Variants in GFOD1 observed in about 807,000 individuals in gnomAD.
The protein encoded by GFOD1 is Gfo/Idh/MocA-like oxidoreductase domain containing 1, also known as glucose-fructose oxidoreductase domain-containing protein 1.
GFOD1 carries 9 observed loss-of-function variants against 25.4 expected under a neutral mutation model. That is an observed-to-expected ratio of 0.35 (90% CI 0.21 to 0.62). The LOEUF (loss-of-function observed/expected upper bound fraction) is 0.62. GFOD1 is among the 20% of genes least tolerant of loss of function. GFOD1 has a pLI of 0.72. For synonymous variants in GFOD1, 253 were observed against 245.6 expected, an observed-to-expected ratio of 1.03 and a Z score of -0.28; for missense variants, 403 against 556.9, an observed-to-expected ratio of 0.72 and a Z score of 2.78.
chr6:13,365,781 A>G lies in GFOD1; in HGVS notation c.254-119T>C, dbSNP rs1785033157. On this transcript the variant is annotated intron_variant, in intron 1 of 1. Transcript: ENST00000379287. The surrounding 1 kb of genome is among the most constrained non-coding windows in gnomAD (Gnocchi z 9.2). ...AAAAGAAGGTCAGATGTGGTGGCTC[A>G]TGCCTGTTGTCCCAGCACTTTGGGA... 1.1e-5 allele frequency: 9 copies of G among 821,638 alleles called. No individual in the cohort carries two copies. 50.9% of individuals were successfully genotyped at this position (821,638 alleles called of 1,614,324 possible).
intron 1 of GFOD1, among the ~76,000 whole-genome samples, chr6:13,432,971 A>T (rs1757777124): frequency 6.6e-6 from 1 of 152,234 alleles, no homozygotes; most frequent in Admixed American, 6.5e-5. Flanking sequence ...CTCATAGAAC[A>T]TCACTGGTCA....
chr6:13,468,198 CGT>C (rs1258797060), intron 1 of GFOD1, among the ~76,000 whole-genome samples: 1 of 151,852 alleles, frequency 6.6e-6, no homozygotes, highest in African/African-American at 2.4e-5. Context: ...GGTGTGTGTG[CGT>C]GTGTGTGATT....
intron 1 of GFOD1, among the ~76,000 whole-genome samples, chr6:13,457,011 C>T (rs1320864249): frequency 1.3e-5 from 2 of 152,276 alleles, no homozygotes; most frequent in South Asian, 2.1e-4. Flanking sequence ...CAGTGGCCCA[C>T]CTGGGAAAAT....
intron 1 of GFOD1, among the ~76,000 whole-genome samples, chr6:13,424,739 T>C (rs1786322581): frequency 6.6e-6 from 1 of 152,196 alleles, no homozygotes; most frequent in Non-Finnish European, 1.5e-5. Flanking sequence ...TCAAAAAGTC[T>C]TCCTTTTATA....
chr6:13,383,555 CAG>C (rs1475498882), intron 1 of GFOD1, among the ~76,000 whole-genome samples: 9 of 152,294 alleles, frequency 5.9e-5, no homozygotes, highest in Non-Finnish European at 1.3e-4. Flanking sequence ...CTGTGGGTGG[CAG>C]AGTTCTATCT....
At chr6:13,425,767 T>A (rs1786340016) in intron 1 of GFOD1, among the ~76,000 whole-genome samples, 1 of 151,878 alleles carries the variant, frequency 6.6e-6, no homozygotes, top group Non-Finnish European at 1.5e-5. Context: ...GAAAAGGGTC[T>A]AGGCCAGGGG....
At chr6:13,401,409 A>AAGGGAAGGGAAAAAGGGAAAGGG (rs10664021) in intron 1 of GFOD1, among the ~76,000 whole-genome samples, 1 of 121,414 alleles carries the variant, frequency 8.2e-6, no homozygotes, top group Non-Finnish European at 1.6e-5. Context: ...AAGGGAAGGG[A>AAGGGAAGGGAAAAAGGGAAAGGG]AAGGGAAAAA....
intron 1 of GFOD1, among the ~76,000 whole-genome samples, chr6:13,400,510 G>A (rs774392290): frequency 1.4e-4 from 21 of 152,342 alleles, no homozygotes; most frequent in Middle Eastern, 3.4e-3. Flanking sequence ...GGAAAATGCT[G>A]ATACAAGACC....
chr6:13,428,956 T>C (rs768691223), intron 1 of GFOD1, among the ~76,000 whole-genome samples: 18 of 152,186 alleles, frequency 1.2e-4, no homozygotes, highest in Non-Finnish European at 1.6e-4. Context: ...TTCTCGACCA[T>C]ATGAAAAGTG....
At chr6:13,377,061 T>C (rs1785270929) in intron 1 of GFOD1, among the ~76,000 whole-genome samples, 1 of 151,894 alleles carries the variant, frequency 6.6e-6, no homozygotes, top group South Asian at 2.1e-4. Context: ...CACACAGTCC[T>C]AAGTTTTGGT....
chr6:13,366,478 G>A (rs192506311), intron 1 of GFOD1, among the ~76,000 whole-genome samples: 36 of 152,274 alleles, frequency 2.4e-4, no homozygotes, highest in African/African-American at 8.7e-4. Flanking sequence ...TGAGATTACA[G>A]GCGCCCGCCA....
At chr6:13,424,956 CT>C (rs571287840) in intron 1 of GFOD1, among the ~76,000 whole-genome samples, 262 of 123,864 alleles carry the variant, frequency 2.1e-3, no homozygotes, top group South Asian at 3.7e-3. Flanking sequence ...ACATTTAATT[CT>C]TTTTTTTTTT....
At chr6:13,482,137 A>T (rs1447870801) in intron 1 of GFOD1, among the ~76,000 whole-genome samples, 1 of 148,890 alleles carries the variant, frequency 6.7e-6, no homozygotes, top group African/African-American at 2.4e-5. Context: ...GCATACATGT[A>T]TATCTATAAA....
At chr6:13,482,155 A>G (rs1158313114) in intron 1 of GFOD1, among the ~76,000 whole-genome samples, 6 of 148,764 alleles carry the variant, frequency 4.0e-5, no homozygotes, top group Non-Finnish European at 8.9e-5. Flanking sequence ...AAATATGTTA[A>G]TATATGTATA....
rs575240356 is a variant in GFOD1, at chr6:13,399,606, G to A, written c.254-33944C>T. Among the ~76,000 whole-genome samples the A allele has an allele frequency of 1.4e-4, 21 of 152,294 alleles. No homozygotes were observed. The South Asian group carries it at 3.3e-3, about 24-fold the overall frequency. ...TGAAGAAATCTCAAAACCGGTATGCGGAGTGAAAAGAAGCCAGAGGCAAAA... is the reference window on the plus strand; with the variant it reads ...TGAAGAAATCTCAAAACCGGTATGCAGAGTGAAAAGAAGCCAGAGGCAAAA... On this transcript the variant is annotated intron_variant, in intron 1 of 1. Coordinates refer to ENST00000379287, the MANE Select transcript of GFOD1 (RefSeq NM_018988.4).
intron 1 of GFOD1, among the ~76,000 whole-genome samples, chr6:13,404,797 T>C (rs1181224048): frequency 2.0e-5 from 3 of 152,256 alleles, no homozygotes; most frequent in Non-Finnish European, 4.4e-5. Context: ...GTAATTTTCA[T>C]GGGATCGGCC....
chr6:13,365,549 G>A lies in GFOD1; in HGVS notation c.367C>T (p.Arg123Cys). Residue 123 changes from arginine (R) to cysteine (C), a missense_variant, in exon 2 of 2, where the codon CGC becomes TGC. Arg to Cys is a radical substitution (Grantham distance 180). Transcript: ENST00000379287. The surrounding 1 kb of genome is among the most constrained non-coding windows in gnomAD (Gnocchi z 9.2). The stretch of plus-strand genomic sequence containing the variant: ...ATGCGCACGAAAGCCGGCAGGAAGC[G>A]CAGCACGTTGCCCATGATGCTCATG... ...KLMSIMGNVL[R>C]FLPAFVRMKQ... The A allele has an allele frequency of 6.2e-7, 1 of 1,611,372 alleles. No individual in the cohort carries two copies. Among genetic ancestry groups the A allele is most frequent in the Non-Finnish European group, 8.5e-7 (1 of 1,179,950 alleles).
At chr6:13,484,408 G>A (rs62385805) in intron 1 of GFOD1, among the ~76,000 whole-genome samples, 4,967 of 152,258 alleles carry the variant, frequency 0.033, 120 homozygotes, top group African/African-American at 0.061. Context: ...CGTTCTATGT[G>A]TTGAACCTTC....
intron 1 of GFOD1, among the ~76,000 whole-genome samples, chr6:13,468,365 T>C (rs1188490398): frequency 6.6e-6 from 1 of 152,252 alleles, no homozygotes; most frequent in African/African-American, 2.4e-5. Context: ...ATATTTATCA[T>C]ATTTACCTAA....
Sources: gnomAD v4.1 joint callset for allele counts (sites outside exome capture counted in the v4.1 genomes callset) on GRCh38, gnomAD v4.1.1 for gene constraint, Gnocchi (gnomAD v3.1) non-coding constraint, MANE v1.5 for transcripts, NCBI Gene and HGNC (gene_info 2026-07-23, HGNC 2026-07-21) for gene names.